The following TTC22 variants were observed in gnomAD, a reference collection of about 807,000 sequenced individuals.
TTC22 encodes the protein tetratricopeptide repeat domain 22.
TTC22 carries 42 observed loss-of-function variants against 48.2 expected under a neutral mutation model. The ratio of observed to expected loss-of-function variants is 0.87; its 90% CI spans 0.68 to 1.13. TTC22 has a LOEUF of 1.13. Among genes scored for constraint, TTC22 ranks in the 50% most tolerant of loss-of-function variants. The probability of loss-of-function intolerance (pLI) is 0.00; values close to 1 mark genes in which losing one functional copy is unlikely to be tolerated. For missense variants in TTC22, 784 were observed against 807.0 expected, an observed-to-expected ratio of 0.97 and a Z score of 0.34; for synonymous variants, 345 against 365.5, an observed-to-expected ratio of 0.94 and a Z score of 0.64.
At chr1:54,798,273 C>T (rs1030483460) in intron 1 of TTC22, among the ~76,000 whole-genome samples, 1 of 152,212 alleles carries the variant, frequency 6.6e-6, no homozygotes, top group Non-Finnish European at 1.5e-5. Flanking sequence ...CACCATGGGG[C>T]CTTTGCATGC....
At chr1:54,786,316 C>T (rs1646300951) in intron 4 of TTC22, 172 bp from the exon 5 acceptor site, 3 of 595,814 alleles carry the variant, frequency 5.0e-6, no homozygotes, top group Non-Finnish European at 8.8e-6. Context: ...ATCACGAAGC[C>T]CCAACACCTT....
In TTC22 at chr1:54,782,351, A is replaced by T; in HGVS notation, c.1147T>A (p.Phe383Ile). 6.5e-7 allele frequency: 1 copy of T among 1,547,826 alleles called. No homozygotes were observed. The highest frequency in any genetic ancestry group is 8.7e-7 in the Non-Finnish European group (1 of 1,145,222). ...TGGCCGATGTCCAGGTACGCCTTGA[A>T]GCCTGGGCACACCCTGACCACTTCC... ...LEEVVRVCPG[F>I]KAYLDIGQVY... Residue 383 changes from phenylalanine to isoleucine, a missense_variant, in exon 6 of 7, where the codon TTC becomes ATC. Transcript: ENST00000371276.
Position 54,801,253 on chromosome 1 carries a change from G to T in TTC22, c.-90C>A. Reference sequence around the variant, plus strand: ...GGCGTTCCCCGAGCGAGCTCCGTGCGGGAGGCGAGGGGCAGCCGGCAGAGG... The same window carrying T: ...GGCGTTCCCCGAGCGAGCTCCGTGCTGGAGGCGAGGGGCAGCCGGCAGAGG... On this transcript the variant is annotated 5_prime_UTR_variant, in exon 1 of 7. Coordinates refer to ENST00000371276, the MANE Select transcript of TTC22 (RefSeq NM_001114108.2). 2 of 1,340,904 alleles carry T rather than the reference G, an allele frequency of 1.5e-6. No individual in the cohort carries two copies. Among genetic ancestry groups the T allele is most frequent in the East Asian group, 2.6e-5 (1 of 38,934 alleles). 83.1% of individuals were successfully genotyped at this position (1,340,904 alleles called of 1,614,324 possible). A position where few individuals can be genotyped will look rare whatever the true frequency, so the allele number is the denominator to read the frequency against.
chr1:54,791,046 G>T (rs1646347232), intron 1 of TTC22, among the ~76,000 whole-genome samples: 1 of 152,174 alleles, frequency 6.6e-6, no homozygotes, highest in African/African-American at 2.4e-5. Context: ...TTTTAGTAGA[G>T]ATGGGGTTTC....
Position 54,786,066 on chromosome 1 carries a change from T to C in TTC22, c.937A>G (p.Met313Val), listed in dbSNP as rs749134045. 5.6e-6 allele frequency: 9 copies of C among 1,613,972 alleles called. No individual in the cohort carries two copies. In the South Asian group the frequency reaches 7.7e-5, roughly 14 times the overall value. ...KIFYFLGKQDMAIGTCNMALD... is the reference protein window; with the variant it reads ...KIFYFLGKQDVAIGTCNMALD... ...GCCATGTTGCAGGTTCCAATGGCCA[T>C]ATCCTGCTTTCCCAGGAAGTAGAAG... The change falls in exon 5 of 7, where the codon ATG becomes GTG. Residue 313 changes from methionine to valine, a missense_variant. Coordinates refer to ENST00000371276, the MANE Select transcript of TTC22 (RefSeq NM_001114108.2).
intron 1 of TTC22, among the ~76,000 whole-genome samples, chr1:54,792,679 C>T (rs1029296605): frequency 2.0e-5 from 3 of 152,138 alleles, no homozygotes; most frequent in South Asian, 2.1e-4. Context: ...GTGATCTGCC[C>T]GCCTCGGCCT....
At chr1:54,788,426 G>A (rs999002215) in intron 1 of TTC22, among the ~76,000 whole-genome samples, 7 of 121,554 alleles carry the variant, frequency 5.8e-5, no homozygotes, top group South Asian at 2.9e-4. Flanking sequence ...TCTCCTCCAC[G>A]CCCACCGGCC....
At chr1:54,798,040 C>T (rs1035480364) in intron 1 of TTC22, among the ~76,000 whole-genome samples, 2 of 152,216 alleles carry the variant, frequency 1.3e-5, no homozygotes, top group Admixed American at 1.3e-4. Context: ...TACTCCTCTG[C>T]CTTAGATTTC....
At position 54,781,162 on chromosome 1, in the gene TTC22, G is replaced by A; in HGVS notation, c.*81C>T. The A allele has an allele frequency of 1.9e-6, 2 of 1,027,852 alleles. No individual in the cohort carries two copies. The highest frequency in any genetic ancestry group is 2.1e-5 in the South Asian group (1 of 47,426). 63.7% of individuals were successfully genotyped at this position (1,027,852 alleles called of 1,614,324 possible). On this transcript the variant is annotated 3_prime_UTR_variant, in exon 7 of 7. Transcript: ENST00000371276. Reference sequence around the variant, plus strand: ...CGCTCCCAGGTCAGCCTAAGGCAGGGAGTCCATCCGGACCTGGTCCCATCA... The same window carrying A: ...CGCTCCCAGGTCAGCCTAAGGCAGGAAGTCCATCCGGACCTGGTCCCATCA...
At chr1:54,789,887 A>G (rs974072249) in intron 1 of TTC22, among the ~76,000 whole-genome samples, 4 of 152,240 alleles carry the variant, frequency 2.6e-5, no homozygotes, top group Non-Finnish European at 5.9e-5. Flanking sequence ...ATCTAGGAGG[A>G]TGGGACATCA....
intron 1 of TTC22, among the ~76,000 whole-genome samples, chr1:54,789,112 G>T (rs1646330386): frequency 6.6e-6 from 1 of 152,218 alleles, no homozygotes; most frequent in Non-Finnish European, 1.5e-5. Context: ...ACTTGCCTGA[G>T]GTCACACAGC....
intron 5 of TTC22, among the ~76,000 whole-genome samples, chr1:54,783,033 G>C (rs1002026078): frequency 6.6e-6 from 1 of 152,076 alleles, no homozygotes; most frequent in Non-Finnish European, 1.5e-5. Flanking sequence ...CAACTGCCAA[G>C]CATCACATTA....
In TTC22 at chr1:54,779,749, T is replaced by C. The variant is rs1480532830; in HGVS notation, c.*1494A>G. ...CAGTTTATTAGTATTTTTCCAAACC[T>C]GAAGAATGGTGAAAGTTTGTGGTAC... On this transcript the variant is annotated 3_prime_UTR_variant, in exon 7 of 7. Coordinates refer to ENST00000371276, the MANE Select transcript of TTC22 (RefSeq NM_001114108.2). The C allele has an allele frequency of 1.3e-5, 2 of 152,122 alleles. No homozygotes were observed. Among genetic ancestry groups the C allele is most frequent in the African/African-American group, 4.8e-5 (2 of 41,420 alleles). 9.4% of individuals were successfully genotyped at this position (152,122 alleles called of 1,614,324 possible).
intron 1 of TTC22, 130 bp downstream of exon 1, chr1:54,800,467 A>T: frequency 1.2e-6 from 1 of 827,092 alleles, no homozygotes; most frequent in Non-Finnish European, 1.7e-6. Flanking sequence ...CACATTGGAA[A>T]GGCATTTGGG....
intron 1 of TTC22, among the ~76,000 whole-genome samples, chr1:54,791,604 G>A (rs959889803): frequency 4.6e-5 from 7 of 151,928 alleles, no homozygotes; most frequent in Admixed American, 4.6e-4. Context: ...GTGGTCTTTG[G>A]CCCTGGAATC....
intron 1 of TTC22, among the ~76,000 whole-genome samples, chr1:54,800,154 G>A (rs1258572348): frequency 6.6e-6 from 1 of 152,206 alleles, no homozygotes; most frequent in Non-Finnish European, 1.5e-5. Context: ...TGAGGGGAGT[G>A]TGCGGAGCCT....
At chr1:54,784,839 T>G in intron 5 of TTC22, 1 of 1,295,358 alleles carries the variant, frequency 7.7e-7, no homozygotes, top group South Asian at 1.3e-5. Flanking sequence ...GGGCTCTGTG[T>G]GGGCTCTAGG....
At chr1:54,796,883 C>T (rs749720889) in intron 1 of TTC22, among the ~76,000 whole-genome samples, 3 of 151,928 alleles carry the variant, frequency 2.0e-5, no homozygotes, top group Non-Finnish European at 4.4e-5. Context: ...AGAGAAAAGC[C>T]CAAGACAGAA....
chr1:54,782,481 C>T lies in TTC22; in HGVS notation c.1021-4G>A. ...GCAGGTAGGCTCTGATGTGGATCTG[C>T]CAACAGAGAGCCAGCTTAGGAAAGA... On this transcript the variant is annotated splice_region_variant and splice_polypyrimidine_tract_variant and intron_variant, in intron 5 of 6. Coordinates refer to ENST00000371276, the MANE Select transcript of TTC22 (RefSeq NM_001114108.2). The T allele has an allele frequency of 6.5e-7, 1 of 1,539,938 alleles. No homozygotes were observed.
Sources: allele counts gnomAD v4.1 joint callset (sites outside exome capture counted in the v4.1 genomes callset), GRCh38; gene constraint gnomAD v4.1.1; transcripts MANE v1.5; gene names NCBI Gene and HGNC (gene_info 2026-07-23, HGNC 2026-07-21).